ACOXL: variants seen among roughly 807,000 people sequenced by gnomAD.
The protein encoded by ACOXL is acyl-coenzyme A oxidase-like protein.
A neutral mutation model predicts 71.9 loss-of-function variants in ACOXL; 70 were observed. The ratio of observed to expected loss-of-function variants is 0.97; its 90% confidence interval spans 0.80 to 1.19. The LOEUF (loss-of-function observed/expected upper bound fraction) is 1.19, where lower values mean the gene tolerates loss of function less well. ACOXL is among the 50% of genes most tolerant of loss of function. The pLI, the probability that ACOXL is intolerant of heterozygous loss-of-function variation, is 0.00. For missense variants in ACOXL, 703 were observed against 736.3 expected (o/e 0.95, Z 0.52); for synonymous variants, 253 against 281.6 (o/e 0.90, Z 1.02).
intron 1 of ACOXL, among the ~76,000 whole-genome samples, chr2:110,759,553 G>T (rs1227486431): frequency 6.6e-6 from 1 of 151,766 alleles, no homozygotes; most frequent in Non-Finnish European, 1.5e-5. Flanking sequence ...TTTATTTTGA[G>T]CCCATGTGTG....
At position 110,798,740 on chromosome 2, in the gene ACOXL, A is replaced by G. The variant is rs767391316; in HGVS notation, c.460+16A>G. 3.1e-6 allele frequency: 5 copies of G among 1,600,504 alleles called. No individual in the cohort carries two copies. Among genetic ancestry groups the G allele is most frequent in the Non-Finnish European group, 4.3e-6 (5 of 1,167,586 alleles). ...AGATCTCAAGGTTTGTTACCAATACAGACAACTAGAATAATTCTCTTCATT... is the reference window on the plus strand; with the variant it reads ...AGATCTCAAGGTTTGTTACCAATACGGACAACTAGAATAATTCTCTTCATT... On this transcript the variant is annotated intron_variant, in intron 6 of 17. Transcript: ENST00000439055.
At chr2:110,767,981 A>C (rs781511972) in intron 1 of ACOXL, among the ~76,000 whole-genome samples, 10 of 136,170 alleles carry the variant, frequency 7.3e-5, no homozygotes, top group African/African-American at 1.4e-4. Context: ...CACACACACA[A>C]ATTAGCTGGG....
chr2:110,821,656 G>C (rs900928087), intron 9 of ACOXL, among the ~76,000 whole-genome samples: 1 of 152,008 alleles, frequency 6.6e-6, no homozygotes, highest in Admixed American at 6.6e-5. Flanking sequence ...CTTTTCATAC[G>C]ATCAGCCCAC....
At chr2:110,885,028 G>A (rs1331870928) in intron 10 of ACOXL, among the ~76,000 whole-genome samples, 1 of 152,164 alleles carries the variant, frequency 6.6e-6, no homozygotes, top group East Asian at 1.9e-4. Flanking sequence ...TTACTGACTG[G>A]TTCAAAAATA....
At chr2:110,963,270 G>A (rs957521302) in intron 12 of ACOXL, among the ~76,000 whole-genome samples, 1 of 151,808 alleles carries the variant, frequency 6.6e-6, no homozygotes, top group Non-Finnish European at 1.5e-5. Flanking sequence ...CATATGGTGA[G>A]GTATAATCAC....
intron 16 of ACOXL, among the ~76,000 whole-genome samples, chr2:111,079,337 T>A (rs1484989548): frequency 6.6e-5 from 10 of 152,204 alleles, no homozygotes; most frequent in Non-Finnish European, 1.5e-4. Context: ...TTCCCACTTA[T>A]AAGTGAGAAC....
intron 12 of ACOXL, among the ~76,000 whole-genome samples, chr2:110,934,607 G>A (rs1204002220): frequency 6.6e-6 from 1 of 152,206 alleles, no homozygotes; most frequent in Non-Finnish European, 1.5e-5. Flanking sequence ...CTGGAAAGCC[G>A]ATTCCCTGCC....
At chr2:111,051,249 C>T (rs1047790525) in intron 16 of ACOXL, among the ~76,000 whole-genome samples, 2 of 152,042 alleles carry the variant, frequency 1.3e-5, no homozygotes, top group Admixed American at 6.6e-5. Flanking sequence ...TCAGAAGGCA[C>T]CATGTGGGTG....
intron 9 of ACOXL, among the ~76,000 whole-genome samples, chr2:110,825,594 T>C (rs998274168): frequency 6.6e-6 from 1 of 152,174 alleles, no homozygotes; most frequent in Non-Finnish European, 1.5e-5. Context: ...GACAACATCC[T>C]TAATTTTTTC....
intron 11 of ACOXL, among the ~76,000 whole-genome samples, chr2:110,921,471 G>T (rs537115256): frequency 3.0e-5 from 4 of 133,782 alleles, no homozygotes; most frequent in African/African-American, 1.1e-4. Context: ...CAGCTCACTT[G>T]CAAGCTCCAC....
At chr2:110,949,276 G>GC (rs1285674755) in intron 12 of ACOXL, among the ~76,000 whole-genome samples, 1 of 152,124 alleles carries the variant, frequency 6.6e-6, no homozygotes, top group East Asian at 1.9e-4. Context: ...TGTCAGTAAG[G>GC]CCCCCTAGTA....
intron 13 of ACOXL, among the ~76,000 whole-genome samples, chr2:110,991,980 C>A (rs1256435966): frequency 1.3e-5 from 2 of 152,212 alleles, no homozygotes; most frequent in Non-Finnish European, 2.9e-5. Context: ...TCAGTTCCAT[C>A]CTTGCAGGAA....
At chr2:110,978,327 G>T (rs373110786) in intron 12 of ACOXL, among the ~76,000 whole-genome samples, 15 of 152,150 alleles carry the variant, frequency 9.9e-5, no homozygotes, top group African/African-American at 3.1e-4. Context: ...GCACCTAATC[G>T]CATCCACAAG....
chr2:110,818,410 C>CCATATATATAT (rs1688182586), intron 9 of ACOXL, among the ~76,000 whole-genome samples: 1 of 128,536 alleles, frequency 7.8e-6, no homozygotes, highest in African/African-American at 3.1e-5. Flanking sequence ...AAAAAAAAAA[C>CCATATATATAT]ATATATATAT....
chr2:110,894,984 GA>G (rs1480580542), intron 10 of ACOXL, among the ~76,000 whole-genome samples: 1 of 152,092 alleles, frequency 6.6e-6, no homozygotes, highest in Non-Finnish European at 1.5e-5. Context: ...AATATAACAT[GA>G]AAATATACAG....
At chr2:110,972,357 T>C (rs552316219) in intron 12 of ACOXL, among the ~76,000 whole-genome samples, 77 of 152,308 alleles carry the variant, frequency 5.1e-4, no homozygotes, top group African/African-American at 1.9e-3. Flanking sequence ...AAGTCCAGAC[T>C]GTAAGCCTTG....
chr2:110,734,894 CT>C (rs57624804), intron 1 of ACOXL, among the ~76,000 whole-genome samples: 1 of 152,104 alleles, frequency 6.6e-6, no homozygotes, highest in Non-Finnish European at 1.5e-5. Context: ...CCCTTATTGA[CT>C]TACATTTGTT....
chr2:111,043,905 AGCTGGT>A (rs2065899218), intron 15 of ACOXL, among the ~76,000 whole-genome samples: 1 of 152,186 alleles, frequency 6.6e-6, no homozygotes, highest in Non-Finnish European at 1.5e-5. Flanking sequence ...ACTGAAGCTC[AGCTGGT>A]GCAATCTCCT....
intron 17 of ACOXL, among the ~76,000 whole-genome samples, chr2:111,096,440 A>G (rs1410126858): frequency 2.6e-5 from 4 of 151,842 alleles, no homozygotes; most frequent in African/African-American, 9.7e-5. Flanking sequence ...ACGGGGTTTC[A>G]CCATGTTGAC....
Sources: allele counts gnomAD v4.1 joint callset (sites outside exome capture counted in the v4.1 genomes callset), GRCh38; gene constraint gnomAD v4.1.1; transcripts MANE v1.5; gene names NCBI Gene and HGNC (gene_info 2026-07-23, HGNC 2026-07-21).